CHST13: variants seen among roughly 807,000 people sequenced by gnomAD.
The protein encoded by CHST13 is carbohydrate sulfotransferase 13.
Under a neutral mutation model 7.0 loss-of-function variants are expected in CHST13, and 1 was observed. The observed-to-expected ratio is 0.14, with a 90% CI of 0.05 to 0.68. The LOEUF is 0.68. Among genes scored for constraint, CHST13 ranks in the 30% least tolerant of loss-of-function variants. The probability of loss-of-function intolerance (pLI) is 0.82; values close to 1 mark genes in which losing one functional copy is unlikely to be tolerated. For missense variants in CHST13, 572 were observed against 507.9 expected (o/e 1.13, Z -1.21); for synonymous variants, 257 against 240.9 (o/e 1.07, Z -0.62).
chr3:126,539,643 CCA>C (rs1018760015), intron 2 of CHST13, among the ~76,000 whole-genome samples: 7 of 137,212 alleles, frequency 5.1e-5, no homozygotes, highest in Admixed American at 1.4e-4. Flanking sequence ...ACCCCACACA[CCA>C]CACACACCCC....
rs1936999666 is a variant in CHST13 at position 126,542,762 on chromosome 3, C to G, written c.*184C>G. Reference sequence around the variant, plus strand: ...TGGGGGCAGCCCATCTCAGGTGGCCCTGCACGCGTGTGCCTGCCTCGGCCT... The same window carrying G: ...TGGGGGCAGCCCATCTCAGGTGGCCGTGCACGCGTGTGCCTGCCTCGGCCT... On this transcript the variant is annotated 3_prime_UTR_variant, in exon 3 of 3. Coordinates refer to ENST00000319340, the MANE Select transcript of CHST13 (RefSeq NM_152889.3). 1.1e-6 allele frequency: 1 copy of G among 879,304 alleles called. No individual in the cohort carries two copies. Among genetic ancestry groups the G allele is most frequent in the African/African-American group, 1.8e-5 (1 of 56,274 alleles). The allele number at this position is 879,304 out of a possible 1,614,324, so 54.5% of individuals were successfully genotyped here.
chr3:126,528,696 G>T (rs762856178), intron 1 of CHST13, among the ~76,000 whole-genome samples: 21 of 152,190 alleles, frequency 1.4e-4, no homozygotes, highest in Non-Finnish European at 2.4e-4. Flanking sequence ...GCTCAAGGGG[G>T]ATCTGGGCAG....
At chr3:126,541,092 T>C (rs1936948911) in intron 2 of CHST13, among the ~76,000 whole-genome samples, 2 of 152,152 alleles carry the variant, frequency 1.3e-5, no homozygotes, top group African/African-American at 2.4e-5. Context: ...GCTCCGGACC[T>C]AATTCGGAGA....
intron 2 of CHST13, among the ~76,000 whole-genome samples, chr3:126,541,320 C>T (rs6781798): frequency 0.26 from 39,458 of 152,128 alleles, 5,207 homozygotes; most frequent in Admixed American, 0.3. Context: ...CGACAGCCCA[C>T]AAGCGGCTGC....
intron 1 of CHST13, among the ~76,000 whole-genome samples, chr3:126,530,756 A>G (rs1314498619): frequency 6.6e-6 from 1 of 152,240 alleles, no homozygotes; most frequent in East Asian, 1.9e-4. Context: ...TTCCTGGGAC[A>G]TGTCCGGCAG....
Position 126,524,379 on chromosome 3 carries a change from TG to T in CHST13, c.50del (p.Gly17AlafsTer61). 1 of 1,235,460 alleles carries T rather than the reference TG, an allele frequency of 8.1e-7. No homozygotes were observed. Among genetic ancestry groups the T allele is most frequent in the South Asian group, 3.5e-5 (1 of 28,740 alleles). The allele number at this position is 1,235,460 out of a possible 1,614,324, so 76.5% of individuals were successfully genotyped here. On this transcript the variant is annotated frameshift_variant, in exon 1 of 3. Coordinates refer to ENST00000319340, the MANE Select transcript of CHST13 (RefSeq NM_152889.3). LOFTEE classifies it high-confidence loss of function. ...CRRRVLAAAC[L>X]GAALLLLCAA... ...CGGCGCGTGCTGGCGGCCGCCTGTC[TG>T]GGCGCCGCGCTCCTGCTCCTATGCG...
chr3:126,543,031 A>C lies in CHST13; in HGVS notation c.*453A>C. The C allele has an allele frequency of 6.5e-6, 1 of 152,832 alleles. No homozygotes were observed. Among genetic ancestry groups the C allele is most frequent in the Non-Finnish European group, 1.5e-5 (1 of 68,412 alleles). 9.5% of individuals were successfully genotyped at this position (152,832 alleles called of 1,614,324 possible). On this transcript the variant is annotated 3_prime_UTR_variant, in exon 3 of 3. Coordinates refer to ENST00000319340, the MANE Select transcript of CHST13 (RefSeq NM_152889.3). ...CAAGGACAGCTGCGGCCAAGGACGA[A>C]AGCCCTCCCTTGGCTGGCCTCACGA...
chr3:126,542,134 C>T lies in CHST13; in HGVS notation c.582C>T (p.Ala194=), dbSNP rs1394902446. 10 of 1,566,428 alleles carry T rather than the reference C, an allele frequency of 6.4e-6. No individual in the cohort carries two copies. In the Middle Eastern group the frequency reaches 5.1e-4, roughly 79 times the overall value. The change falls in exon 3 of 3, where the codon GCC becomes GCT. Residue 194 remains alanine, a synonymous_variant. Transcript: ENST00000319340. ...ACAAGCTCGCGCGCCCCTACAGCGC[C>T]GCCTTCCAGAGGCGCTACGGTGCAC... is the stretch of plus-strand genomic sequence containing the variant. ...YRNKLARPYS[A]AFQRRYGARI...
chr3:126,536,729 G>A (rs1373270346), intron 2 of CHST13, among the ~76,000 whole-genome samples: 1 of 151,868 alleles, frequency 6.6e-6, no homozygotes, highest in African/African-American at 2.4e-5. Flanking sequence ...GCCCCGGCGT[G>A]ATTCTCAAAC....
chr3:126,541,704 C>T (rs1019645443), intron 2 of CHST13, 29 bp from the exon 3 acceptor site: 56 of 1,414,606 alleles, frequency 4.0e-5, no homozygotes, highest in Non-Finnish European at 5.1e-5. Context: ...CCTGACGCGT[C>T]CCCCTGTCCC....
At chr3:126,536,888 CACACACAA>C (rs1576232019) in intron 2 of CHST13, among the ~76,000 whole-genome samples, 1 of 120,940 alleles carries the variant, frequency 8.3e-6, no homozygotes, top group South Asian at 2.5e-4. Flanking sequence ...TTCTCACACA[CACACACAA>C]ACACACACAC....
In CHST13 at chr3:126,536,664, G is replaced by A. The variant is rs183800650; in HGVS notation, c.180+311G>A. Among the ~76,000 whole-genome samples the A allele has an allele frequency of 2.7e-3, 416 of 151,982 alleles. 1 individual carries two copies. The highest frequency in any genetic ancestry group is 5.0e-3 in the Non-Finnish European group (339 of 67,954). On this transcript the variant is annotated intron_variant, in intron 2 of 2. Coordinates refer to ENST00000319340, the MANE Select transcript of CHST13 (RefSeq NM_152889.3). ...CTGCCCTCAGGAAGTTTACAGTCTC[G>A]TGGGAGACTAAATCTCAGTGTGTGC...
rs1936992012 is a variant in CHST13, at chr3:126,542,603, G to A, written c.*25G>A. 2.1e-6 allele frequency: 3 copies of A among 1,449,960 alleles called. No homozygotes were observed. Among genetic ancestry groups the A allele is most frequent in the Non-Finnish European group, 1.8e-6 (2 of 1,103,190 alleles). 89.8% of individuals were successfully genotyped at this position (1,449,960 alleles called of 1,614,324 possible). On this transcript the variant is annotated 3_prime_UTR_variant, in exon 3 of 3. Coordinates refer to ENST00000319340, the MANE Select transcript of CHST13 (RefSeq NM_152889.3). ...GCGGTCCTGGAGGTCCTGTGGCCACGCGGGGCAAGTGCCTTTCCGACAAGA... is the reference window on the plus strand; with the variant it reads ...GCGGTCCTGGAGGTCCTGTGGCCACACGGGGCAAGTGCCTTTCCGACAAGA...
At chr3:126,524,983 C>A (rs1936508791) in intron 1 of CHST13, among the ~76,000 whole-genome samples, 1 of 152,190 alleles carries the variant, frequency 6.6e-6, no homozygotes, top group Non-Finnish European at 1.5e-5. Context: ...CATGACTCCG[C>A]AGAGCTGAGT....
Position 126,542,172 on chromosome 3 carries a change from G to C in CHST13, c.620G>C (p.Arg207Pro). 1 of 1,466,074 alleles carries C rather than the reference G, an allele frequency of 6.8e-7. No homozygotes were observed. Among genetic ancestry groups the C allele is most frequent in the Non-Finnish European group, 9.0e-7 (1 of 1,116,252 alleles). The allele number at this position is 1,466,074 out of a possible 1,614,324, so 90.8% of individuals were successfully genotyped here. A position where few individuals can be genotyped will look rare whatever the true frequency, so the allele number is the denominator to read the frequency against. The change falls in exon 3 of 3, where the codon CGC (arginine) becomes CCC (proline). Residue 207 changes from arginine to proline, a missense_variant. By Grantham distance (103) the Arg-to-Pro change is moderately radical (BLOSUM62 -2). Transcript: ENST00000319340. The part of the protein sequence containing the change: ...QRRYGARIVQ[R>P]LRPRALPDAR... ...CGCTACGGTGCACGCATCGTTCAGC[G>C]CCTGCGGCCGCGCGCGCTCCCCGAC...
Position 126,524,360 on chromosome 3 carries a change from G to T in CHST13, c.28G>T (p.Val10Leu). 1.6e-6 allele frequency: 2 copies of T among 1,236,462 alleles called. No homozygotes were observed. The highest frequency in any genetic ancestry group is 2.0e-6 in the Non-Finnish European group (2 of 990,382). 76.6% of individuals were successfully genotyped at this position (1,236,462 alleles called of 1,614,324 possible). Residue 10 changes from valine to leucine, a missense_variant, in exon 1 of 3, where the codon GTG (valine) becomes TTG (leucine). Physicochemically the swap from Val to Leu is conservative, Grantham distance 32 (BLOSUM62 1). Transcript: ENST00000319340. The part of the protein sequence containing the change: MGRRCCRRR[V>L]LAAACLGAAL... ...GGGGAGGCGCTGCTGCCGGCGGCGC[G>T]TGCTGGCGGCCGCCTGTCTGGGCGC... is the stretch of plus-strand genomic sequence containing the variant.
chr3:126,526,227 CTA>C (rs1936534069), intron 1 of CHST13, among the ~76,000 whole-genome samples: 1 of 152,202 alleles, frequency 6.6e-6, no homozygotes, highest in Non-Finnish European at 1.5e-5. Flanking sequence ...TTGGCTGAGA[CTA>C]TGCTTGTGGG....
intron 2 of CHST13, 94 bp from the exon 3 acceptor site, chr3:126,541,639 C>G (rs916630454): frequency 9.8e-6 from 12 of 1,224,376 alleles, no homozygotes; most frequent in Non-Finnish European, 1.3e-5. Flanking sequence ...CTCCTGCTCC[C>G]AATTCCCGGG....
chr3:126,539,365 A>G (rs1029814212), intron 2 of CHST13, among the ~76,000 whole-genome samples: 1 of 152,066 alleles, frequency 6.6e-6, no homozygotes, highest in Non-Finnish European at 1.5e-5. Context: ...CACTTAGTGT[A>G]TCTTAGACAG....
Sources: gnomAD v4.1 joint callset for allele counts (sites outside exome capture counted in the v4.1 genomes callset) on GRCh38, gnomAD v4.1.1 for gene constraint, MANE v1.5 for transcripts, NCBI Gene and HGNC (gene_info 2026-07-23, HGNC 2026-07-21) for gene names.